The following CDKAL1 variants were observed in gnomAD, a reference collection of about 807,000 sequenced individuals.
The protein encoded by CDKAL1 is threonylcarbamoyladenosine tRNA methylthiotransferase.
Under a neutral mutation model 68.2 loss-of-function variants are expected in CDKAL1, and 32 were observed. The observed-to-expected ratio is 0.47, with a 90% CI of 0.35 to 0.63. The LOEUF is 0.63. Ranked by LOEUF, CDKAL1 falls within the 30% of genes least tolerant of loss-of-function variation. The probability of loss-of-function intolerance (pLI) is 0.00; values close to 1 mark genes in which losing one functional copy is unlikely to be tolerated. For synonymous variants in CDKAL1, 234 were observed against 244.3 expected, an observed-to-expected ratio of 0.96 and a Z score of 0.39; for missense variants, 606 against 696.7, an observed-to-expected ratio of 0.87 and a Z score of 1.47.
chr6:20,907,825 G>A (rs1461557728), intron 9 of CDKAL1, among the ~76,000 whole-genome samples: 2 of 152,174 alleles, frequency 1.3e-5, no homozygotes, highest in East Asian at 1.9e-4. Context: ...GCATGCCTCT[G>A]TGTGGCAGCT....
At chr6:21,011,247 G>A (rs907388831) in intron 11 of CDKAL1, among the ~76,000 whole-genome samples, 20 of 151,374 alleles carry the variant, frequency 1.3e-4, no homozygotes, top group Admixed American at 2.6e-4. Context: ...AGCCGGGCGC[G>A]GTGGCGGGCA....
intron 9 of CDKAL1, among the ~76,000 whole-genome samples, chr6:20,896,881 C>T (rs535893669): frequency 1.3e-5 from 2 of 152,136 alleles, no homozygotes; most frequent in Non-Finnish European, 2.9e-5. Context: ...CTGTTATGTA[C>T]AATTCAATCA....
At chr6:20,915,516 T>G (rs983257109) in intron 9 of CDKAL1, among the ~76,000 whole-genome samples, 2 of 152,192 alleles carry the variant, frequency 1.3e-5, no homozygotes, top group African/African-American at 4.8e-5. Flanking sequence ...ACCCACATTT[T>G]GGGGGATAAT....
chr6:20,901,518 C>G, intron 9 of CDKAL1, among the ~76,000 whole-genome samples: 1 of 144,572 alleles, frequency 6.9e-6, no homozygotes, highest in East Asian at 2.1e-4. Flanking sequence ...ACTAAAAATA[C>G]AAAAAAAAAA....
At chr6:20,753,136 A>C (rs1290442841) in intron 6 of CDKAL1, among the ~76,000 whole-genome samples, 1 of 150,624 alleles carries the variant, frequency 6.6e-6, no homozygotes, top group Non-Finnish European at 1.5e-5. Context: ...TCATCATTTC[A>C]AAAAAAACGC....
chr6:20,645,923 C>T (rs1768431786), intron 4 of CDKAL1, among the ~76,000 whole-genome samples: 1 of 151,814 alleles, frequency 6.6e-6, no homozygotes, highest in Admixed American at 6.6e-5. Flanking sequence ...CACATCTTGT[C>T]CCACTGGAAG....
At chr6:20,721,893 T>C (rs1471667366) in intron 5 of CDKAL1, among the ~76,000 whole-genome samples, 1 of 151,910 alleles carries the variant, frequency 6.6e-6, no homozygotes, top group Non-Finnish European at 1.5e-5. Flanking sequence ...CCACCACACC[T>C]GGCTAATTTT....
intron 10 of CDKAL1, among the ~76,000 whole-genome samples, chr6:20,960,455 G>A (rs1324568576): frequency 6.6e-6 from 1 of 152,212 alleles, no homozygotes; most frequent in Non-Finnish European, 1.5e-5. Flanking sequence ...CATATGTTCT[G>A]TGCTTCATAG....
At chr6:20,840,914 G>T in intron 8 of CDKAL1, among the ~76,000 whole-genome samples, 1 of 152,186 alleles carries the variant, frequency 6.6e-6, no homozygotes, top group Admixed American at 6.6e-5. Flanking sequence ...TCACTTGATG[G>T]TGTTTCAGTT....
intron 5 of CDKAL1, among the ~76,000 whole-genome samples, chr6:20,736,674 AGGCAGGAGAAT>A (rs1426779942): frequency 6.6e-6 from 1 of 151,950 alleles, no homozygotes; most frequent in Non-Finnish European, 1.5e-5. Flanking sequence ...CCGGAGGCTG[AGGCAGGAGAAT>A]GGCAGGAACC....
intron 4 of CDKAL1, among the ~76,000 whole-genome samples, chr6:20,582,799 T>C (rs969018122): frequency 1.3e-5 from 2 of 152,202 alleles, no homozygotes; most frequent in Non-Finnish European, 1.5e-5. Context: ...TATTTGCCAA[T>C]GTGAGGCAAT....
chr6:21,179,047 C>T (rs75908196), intron 13 of CDKAL1, among the ~76,000 whole-genome samples: 2,848 of 152,352 alleles, frequency 0.019, 49 homozygotes, highest in Middle Eastern at 0.051. Flanking sequence ...TTTCCATTAT[C>T]CCTGTTATCT....
chr6:20,830,283 CCTTT>C (rs1254518247), intron 8 of CDKAL1, among the ~76,000 whole-genome samples: 3 of 152,126 alleles, frequency 2.0e-5, no homozygotes, highest in Admixed American at 2.0e-4. Context: ...CTCTCTTTTC[CCTTT>C]CTTCAAACCA....
At chr6:20,893,583 A>G (rs919198942) in intron 9 of CDKAL1, among the ~76,000 whole-genome samples, 1 of 152,168 alleles carries the variant, frequency 6.6e-6, no homozygotes, top group South Asian at 2.1e-4. Context: ...TATTGTTTCT[A>G]AGGCTTTCTA....
chr6:21,041,222 C>T (rs950150114), intron 11 of CDKAL1, among the ~76,000 whole-genome samples: 4 of 152,162 alleles, frequency 2.6e-5, no homozygotes, highest in African/African-American at 9.7e-5. Context: ...ATCTTTTTCT[C>T]ATAGATTAGA....
At chr6:21,016,842 G>C (rs763459793) in intron 11 of CDKAL1, among the ~76,000 whole-genome samples, 2 of 152,126 alleles carry the variant, frequency 1.3e-5, no homozygotes, top group African/African-American at 2.4e-5. Flanking sequence ...GCCTCTTTAA[G>C]TAAGTATAGG....
chr6:21,123,082 T>C (rs1774810153), intron 13 of CDKAL1, among the ~76,000 whole-genome samples: 2 of 152,168 alleles, frequency 1.3e-5, no homozygotes, highest in South Asian at 2.1e-4. Flanking sequence ...CAAGACTAGC[T>C]GAGATGACTT....
At chr6:20,998,211 C>A (rs910320832) in intron 10 of CDKAL1, among the ~76,000 whole-genome samples, 1 of 152,150 alleles carries the variant, frequency 6.6e-6, no homozygotes, top group Non-Finnish European at 1.5e-5. Flanking sequence ...GTGTGAAGAA[C>A]CTGAAAGGCA....
intron 5 of CDKAL1, among the ~76,000 whole-genome samples, chr6:20,730,422 G>T (rs1772859134): frequency 7.3e-6 from 1 of 136,566 alleles, no homozygotes; most frequent in South Asian, 2.4e-4. Flanking sequence ...AGAAAGAAAA[G>T]AAAGGAAGAA....
Sources: allele counts gnomAD v4.1 joint callset (sites outside exome capture counted in the v4.1 genomes callset), GRCh38; gene constraint gnomAD v4.1.1; transcripts MANE v1.5; gene names NCBI Gene and HGNC (gene_info 2026-07-23, HGNC 2026-07-21).